Variants in KCNC2 observed in about 807,000 individuals in gnomAD.
KCNC2 encodes potassium voltage-gated channel subfamily C member 2.
In KCNC2, 21 loss-of-function variants were observed where a neutral mutation model predicts 44.5. The ratio of observed to expected loss-of-function variants is 0.47; its 90% CI spans 0.33 to 0.68. The LOEUF is 0.68. Among genes scored for constraint, KCNC2 ranks in the 30% least tolerant of loss-of-function variants. The pLI is 0.01. For synonymous variants in KCNC2, 391 were observed against 339.1 expected, an observed-to-expected ratio of 1.15 and a Z score of -1.68; for missense variants, 589 against 826.2, an observed-to-expected ratio of 0.71 and a Z score of 3.52.
At chr12:75,146,295 T>C (rs1035938701) in intron 2 of KCNC2, among the ~76,000 whole-genome samples, 1 of 152,186 alleles carries the variant, frequency 6.6e-6, no homozygotes, top group African/African-American at 2.4e-5. Flanking sequence ...TTGGTTTATT[T>C]CATTCCCATG....
intron 2 of KCNC2, among the ~76,000 whole-genome samples, chr12:75,176,935 A>C (rs1055449399): frequency 6.6e-6 from 1 of 151,566 alleles, no homozygotes; most frequent in African/African-American, 2.4e-5. Flanking sequence ...GTAGTAAAAA[A>C]CAGAAATATA....
At chr12:75,171,369 G>A (rs1412484180) in intron 2 of KCNC2, among the ~76,000 whole-genome samples, 1 of 151,810 alleles carries the variant, frequency 6.6e-6, no homozygotes, top group Non-Finnish European at 1.5e-5. Context: ...TATAGCCTGT[G>A]TACACTAGGA....
intron 2 of KCNC2, among the ~76,000 whole-genome samples, chr12:75,096,620 A>T (rs551477815): frequency 6.6e-6 from 1 of 152,174 alleles, no homozygotes; most frequent in Admixed American, 6.6e-5. Flanking sequence ...GCAGGTAATT[A>T]GGCAATTATA....
At chr12:75,124,965 G>C (rs1888304794) in intron 2 of KCNC2, 1 of 152,250 alleles carries the variant, frequency 6.6e-6, no homozygotes, top group African/African-American at 2.4e-5. Flanking sequence ...AATTAGCCGG[G>C]CGTTGTGGCG....
At chr12:75,105,862 C>T (rs1242159966) in intron 2 of KCNC2, among the ~76,000 whole-genome samples, 2 of 151,298 alleles carry the variant, frequency 1.3e-5, no homozygotes, top group South Asian at 4.2e-4. Flanking sequence ...ATATAAGAAT[C>T]TAGGTTTTGG....
intron 2 of KCNC2, among the ~76,000 whole-genome samples, chr12:75,186,093 A>AAAT (rs1443562677): frequency 1.1e-4 from 16 of 151,032 alleles, no homozygotes; most frequent in African/African-American, 3.9e-4. Flanking sequence ...ATAAATAAAT[A>AAAT]AAAATTTTAT....
At chr12:75,151,365 G>A (rs1468869881) in intron 2 of KCNC2, among the ~76,000 whole-genome samples, 3 of 152,078 alleles carry the variant, frequency 2.0e-5, no homozygotes, top group South Asian at 2.1e-4. Context: ...CAAGGTCTTC[G>A]TTCGGAGAAT....
intron 2 of KCNC2, among the ~76,000 whole-genome samples, chr12:75,052,871 G>C (rs1370270073): frequency 2.0e-5 from 3 of 152,122 alleles, no homozygotes; most frequent in East Asian, 3.9e-4. Flanking sequence ...TACATCAGCT[G>C]TATAGTATTC....
chr12:75,207,370 G>T lies in KCNC2; in HGVS notation c.614C>A (p.Ser205Tyr). 4.4e-6 allele frequency: 7 copies of T among 1,579,642 alleles called. No individual in the cohort carries two copies. Among genetic ancestry groups the T allele is most frequent in the Non-Finnish European group, 6.0e-6 (7 of 1,164,134 alleles). ...GGGCTGCAGCCTCCTCCAGCGGCCA[G>T]ATTTGCCGTCGGGGCCCCCGAGCCC... ...AAGLGGPDGK[S>Y]GRWRRLQPRM... The change falls in exon 2 of 5, where the codon TCT (serine) becomes TAT (tyrosine). Residue 205 changes from serine (S) to tyrosine (Y), a missense_variant. This residue lies in a region of KCNC2 where 97 missense variants were observed against 73.3 expected (regional missense o/e 1.32). Coordinates refer to ENST00000549446, the MANE Select transcript of KCNC2 (RefSeq NM_139137.4). The surrounding 1 kb of genome is among the most constrained non-coding windows in gnomAD (Gnocchi z 4.1).
chr12:75,182,382 G>C (rs1892644597), intron 2 of KCNC2, among the ~76,000 whole-genome samples: 1 of 151,548 alleles, frequency 6.6e-6, no homozygotes. Context: ...AATTAGCGGG[G>C]CGTGGTGGCG....
At chr12:75,056,710 T>A (rs958986468) in intron 2 of KCNC2, among the ~76,000 whole-genome samples, 31 of 152,026 alleles carry the variant, frequency 2.0e-4, no homozygotes, top group African/African-American at 7.5e-4. Flanking sequence ...AGAATGATAT[T>A]CAATGAGGCA....
intron 2 of KCNC2, among the ~76,000 whole-genome samples, chr12:75,189,633 A>C (rs535223787): frequency 6.0e-4 from 91 of 152,334 alleles, no homozygotes; most frequent in Middle Eastern, 3.4e-3. Flanking sequence ...AGGCACCAGA[A>C]TTCATTAAAC....
At chr12:75,046,503 C>A (rs1056680512) in intron 4 of KCNC2, among the ~76,000 whole-genome samples, 1 of 151,534 alleles carries the variant, frequency 6.6e-6, no homozygotes, top group African/African-American at 2.4e-5. Context: ...TTGAATGCTG[C>A]TTAAAAATGT....
intron 2 of KCNC2, among the ~76,000 whole-genome samples, chr12:75,115,999 A>G (rs1887632951): frequency 6.6e-6 from 1 of 152,184 alleles, no homozygotes; most frequent in South Asian, 2.1e-4. Flanking sequence ...AGTGCCTGGA[A>G]CAGTGCCGAA....
At chr12:75,098,664 C>A (rs544664492) in intron 2 of KCNC2, among the ~76,000 whole-genome samples, 19 of 151,954 alleles carry the variant, frequency 1.3e-4, no homozygotes, top group South Asian at 1.0e-3. Context: ...GAGGCTGAGG[C>A]AGGAGAATGG....
At chr12:75,165,751 T>C (rs1891407636) in intron 2 of KCNC2, among the ~76,000 whole-genome samples, 1 of 151,466 alleles carries the variant, frequency 6.6e-6, no homozygotes, top group East Asian at 1.9e-4. Flanking sequence ...TAACAGTAAA[T>C]TGTATATAGA....
intron 2 of KCNC2, among the ~76,000 whole-genome samples, chr12:75,134,313 G>A (rs1379205373): frequency 1.3e-5 from 2 of 151,842 alleles, no homozygotes; most frequent in South Asian, 2.1e-4. Flanking sequence ...GATACTACAA[G>A]GATATAATTA....
At chr12:75,158,133 T>C (rs1389820802) in intron 2 of KCNC2, among the ~76,000 whole-genome samples, 2 of 151,960 alleles carry the variant, frequency 1.3e-5, no homozygotes, top group African/African-American at 4.8e-5. Context: ...TTAGTATTGA[T>C]AAATTCTATC....
At chr12:75,158,869 A>G (rs896583104) in intron 2 of KCNC2, among the ~76,000 whole-genome samples, 2 of 151,888 alleles carry the variant, frequency 1.3e-5, no homozygotes, top group South Asian at 4.1e-4. Context: ...ATACTGAACA[A>G]AATTTAATTT....
Sources: allele counts gnomAD v4.1 joint callset (sites outside exome capture counted in the v4.1 genomes callset), GRCh38; gene constraint gnomAD v4.1.1; regional missense constraint gnomAD v4.1.1; non-coding constraint Gnocchi (gnomAD v3.1); transcripts MANE v1.5; gene names NCBI Gene and HGNC (gene_info 2026-07-23, HGNC 2026-07-21).